SMARCB1: variants seen among roughly 807,000 people sequenced by gnomAD.
SMARCB1 encodes SWI/SNF related BAF chromatin remodeling complex subunit B1, also known as SWI/SNF-related matrix-associated actin-dependent regulator of chromatin subfamily B member 1.
In SMARCB1, 5 loss-of-function variants were observed where a neutral mutation model predicts 49.0. That is an observed-to-expected ratio of 0.10 (90% CI 0.05 to 0.21). The LOEUF is 0.21. SMARCB1 is among the 10% of genes least tolerant of loss of function. The probability of loss-of-function intolerance (pLI) is 1.00; values close to 1 mark genes in which losing one functional copy is unlikely to be tolerated. For missense variants in SMARCB1, 226 were observed against 509.2 expected (o/e 0.44, Z 5.35); for synonymous variants, 201 against 200.1 (o/e 1.00, Z -0.04).
Position 23,837,805 on chromosome 22 carries a change from G to A in SMARCB1, c.*3625G>A. On this transcript the variant is annotated 3_prime_UTR_variant, in exon 9 of 9. Transcript: ENST00000644036. Reference sequence around the variant, plus strand: ...GCGGCTCCACACGTACACCAGCATGGCCATGAGGGCCTGGCCCAGGAAGAA... The same window carrying A: ...GCGGCTCCACACGTACACCAGCATGACCATGAGGGCCTGGCCCAGGAAGAA... 1.2e-6 allele frequency: 2 copies of A among 1,613,814 alleles called. No individual in the cohort carries two copies. The highest frequency in any genetic ancestry group is 2.2e-5 in the East Asian group (1 of 44,888).
chr22:23,835,506 G>C lies in SMARCB1; in HGVS notation c.*1326G>C. 1.0e-6 allele frequency: 1 copy of C among 985,608 alleles called. No homozygotes were observed. The highest frequency in any genetic ancestry group is 1.2e-6 in the Non-Finnish European group (1 of 830,024). The allele number at this position is 985,608 out of a possible 1,614,324, so 61.1% of individuals were successfully genotyped here. On this transcript the variant is annotated 3_prime_UTR_variant, in exon 9 of 9. Coordinates refer to ENST00000644036, the MANE Select transcript of SMARCB1 (RefSeq NM_003073.5). ...GGGGTTCTTGGTCGCTGAGATGTGAGAGGAGGGCTCCTTTGAGCACATGTT... is the reference window on the plus strand; with the variant it reads ...GGGGTTCTTGGTCGCTGAGATGTGACAGGAGGGCTCCTTTGAGCACATGTT...
At chr22:23,798,340 G>C (rs1029472426) in intron 3 of SMARCB1, among the ~76,000 whole-genome samples, 3 of 152,144 alleles carry the variant, frequency 2.0e-5, no homozygotes, top group Non-Finnish European at 4.4e-5. Context: ...AAGGTGGGAG[G>C]ATTGCTTGAG....
chr22:23,793,450 CT>C (rs2067728163), intron 2 of SMARCB1, 108 bp from the exon 3 acceptor site: 2 of 1,182,692 alleles, frequency 1.7e-6, no homozygotes, highest in South Asian at 2.4e-5. Flanking sequence ...TGACACCTTG[CT>C]TTTCCCACCT....
intron 3 of SMARCB1, among the ~76,000 whole-genome samples, chr22:23,794,380 A>G (rs777873314): frequency 1.5e-4 from 23 of 152,224 alleles, no homozygotes; most frequent in Non-Finnish European, 2.9e-4. Flanking sequence ...GAACAGTTAC[A>G]AATGCTTGGA....
intron 5 of SMARCB1, chr22:23,804,470 A>G (rs537636605): frequency 6.6e-6 from 1 of 152,348 alleles, no homozygotes; most frequent in South Asian, 2.1e-4. Flanking sequence ...ATGCAAACAT[A>G]TTTAACATAG....
intron 3 of SMARCB1, 78 bp from the exon 4 acceptor site, chr22:23,800,866 C>T (rs773363299): frequency 1.3e-5 from 15 of 1,114,254 alleles, no homozygotes; most frequent in Non-Finnish European, 2.1e-5. Context: ...GTGGGCATCC[C>T]TGGAGCATTA....
chr22:23,817,256 A>G lies in SMARCB1; in HGVS notation c.795+320A>G, dbSNP rs528026844. On this transcript the variant is annotated intron_variant, in intron 6 of 8. Transcript: ENST00000644036. ...CAGGCTGAGTGCTCCAGGGGGGCCT[A>G]GTAACCCAATAAGATGCTGCCTTAG... 16 of 473,602 alleles carry G rather than the reference A, an allele frequency of 3.4e-5. No homozygotes were observed. The South Asian group carries it at 4.0e-4, about 12-fold the overall frequency. 29.3% of individuals were successfully genotyped at this position (473,602 alleles called of 1,614,324 possible).
intron 6 of SMARCB1, among the ~76,000 whole-genome samples, chr22:23,818,881 C>T (rs553090171): frequency 6.6e-6 from 1 of 152,318 alleles, no homozygotes; most frequent in Non-Finnish European, 1.5e-5. Context: ...TACTCTGTTG[C>T]CCAGGCTGGA....
At chr22:23,793,105 A>G (rs1470430468) in intron 2 of SMARCB1, 1 of 259,244 alleles carries the variant, frequency 3.9e-6, no homozygotes, top group African/African-American at 2.2e-5. Flanking sequence ...AAAGAAAAGT[A>G]TTCTTCATCT....
intron 1 of SMARCB1, 97 bp from the exon 2 acceptor site, chr22:23,791,659 G>A: frequency 8.2e-7 from 1 of 1,226,306 alleles, no homozygotes; most frequent in Non-Finnish European, 1.2e-6. Flanking sequence ...CCACCTCAAG[G>A]CCTGTTTGTC....
At chr22:23,820,468 G>A (rs563571727) in intron 6 of SMARCB1, among the ~76,000 whole-genome samples, 11 of 152,154 alleles carry the variant, frequency 7.2e-5, no homozygotes, top group Non-Finnish European at 1.5e-4. Flanking sequence ...CAGCTACTCA[G>A]GAGGCTGAGG....
intron 6 of SMARCB1, among the ~76,000 whole-genome samples, chr22:23,820,349 C>T (rs559237120): frequency 5.3e-5 from 8 of 152,208 alleles, no homozygotes; most frequent in East Asian, 1.9e-4. Context: ...CCGAGGCGGG[C>T]GGATCACCTG....
intron 2 of SMARCB1, 87 bp from the exon 3 acceptor site, chr22:23,793,472 A>C: frequency 7.1e-7 from 1 of 1,402,998 alleles, no homozygotes; most frequent in Non-Finnish European, 1.0e-6. Context: ...CCCGCATGCG[A>C]GGACCTTGAT....
At position 23,820,891 on chromosome 22, in the gene SMARCB1, GGCTGTGTGGGCTAACCCACCCA is replaced by G. The variant is rs370534749; in HGVS notation, c.795+3958_795+3979del. ...TGTCTTGTAAACATGTGGAGGATGA[GGCTGTGTGGGCTAACCCACCCA>G]GCCACGTGGTTCCAAATGACTGGGA... On this transcript the variant is annotated intron_variant, in intron 6 of 8. Coordinates refer to ENST00000644036, the MANE Select transcript of SMARCB1 (RefSeq NM_003073.5). Among the ~76,000 whole-genome samples, 952 of 152,286 alleles carry G rather than the reference GGCTGTGTGGGCTAACCCACCCA, an allele frequency of 6.3e-3. 7 individuals are homozygous for G. The highest frequency in any genetic ancestry group is 0.021 in the African/African-American group (860 of 41,554).
rs189153523 is a variant in SMARCB1, at chr22:23,820,350, G to A, written c.795+3414G>A. 4.9e-3 allele frequency among the ~76,000 whole-genome samples: 745 copies of A among 152,300 alleles called. 20 individuals carry two copies. The South Asian group carries it at 0.081, about 17-fold the overall frequency. On this transcript the variant is annotated intron_variant, in intron 6 of 8. Transcript: ENST00000644036. ...AGCACTTTGGGAGACCGAGGCGGGC[G>A]GATCACCTGAGGTCGGGAGTTAGAG...
intron 5 of SMARCB1, among the ~76,000 whole-genome samples, chr22:23,805,599 A>G (rs1929446060): frequency 2.0e-5 from 3 of 151,990 alleles, no homozygotes; most frequent in Admixed American, 6.6e-5. Context: ...TCCGCCTCCC[A>G]GGTTCAAGTG....
intron 6 of SMARCB1, among the ~76,000 whole-genome samples, chr22:23,822,430 C>T (rs1272646454): frequency 6.6e-6 from 1 of 152,200 alleles, no homozygotes; most frequent in Non-Finnish European, 1.5e-5. Flanking sequence ...TCTGTGAGTC[C>T]ACCTGGAGTC....
intron 1 of SMARCB1, 98 bp downstream of exon 1, chr22:23,787,360 C>CGGGG (rs1928064801): frequency 1.9e-6 from 1 of 531,636 alleles, no homozygotes; most frequent in South Asian, 2.6e-5. Context: ...TTCATCGGGG[C>CGGGG]GGGCGGGCGC....
At chr22:23,814,091 A>C (rs145122371) in intron 5 of SMARCB1, among the ~76,000 whole-genome samples, 61 of 152,206 alleles carry the variant, frequency 4.0e-4, no homozygotes, top group Admixed American at 1.4e-3. Context: ...CAGCCTCCCA[A>C]AGTGCTGGGA....
Sources: gnomAD v4.1 joint callset for allele counts (sites outside exome capture counted in the v4.1 genomes callset) on GRCh38, gnomAD v4.1.1 for gene constraint, MANE v1.5 for transcripts, NCBI Gene and HGNC (gene_info 2026-07-23, HGNC 2026-07-21) for gene names.